The following CNGA3 variants were observed in gnomAD, a reference collection of about 807,000 sequenced individuals.
CNGA3 encodes cyclic nucleotide-gated channel alpha-3.
Under a neutral mutation model 46.6 loss-of-function variants are expected in CNGA3, and 42 were observed. The ratio of observed to expected loss-of-function variants is 0.90; its 90% CI spans 0.70 to 1.17. CNGA3 has a LOEUF of 1.17. Ranked by LOEUF, CNGA3 falls within the 50% of genes most tolerant of loss-of-function variation. The pLI is 0.00. For missense variants in CNGA3, 893 were observed against 890.7 expected (o/e 1.00, Z -0.03); for synonymous variants, 394 against 369.4 (o/e 1.07, Z -0.76).
intron 2 of CNGA3, chr2:98,377,461 C>G (rs549356441): frequency 1.8e-6 from 1 of 544,332 alleles, no homozygotes; most frequent in Non-Finnish European, 3.4e-6. Context: ...TTTCACCTAG[C>G]CCTGGACAGT....
At chr2:98,346,581 C>T (rs1436479083) in intron 1 of CNGA3, 47 bp downstream of exon 1, 3 of 396,928 alleles carry the variant, frequency 7.6e-6, no homozygotes, top group East Asian at 7.1e-5. Flanking sequence ...TGGGGGGCGC[C>T]GGGAGGTGTG....
rs2104235566 is a variant in CNGA3, at chr2:98,391,877, G to A, written c.580G>A (p.Glu194Lys). 6.2e-7 allele frequency: 1 copy of A among 1,614,194 alleles called. No individual in the cohort carries two copies. Among genetic ancestry groups the A allele is most frequent in the Non-Finnish European group, 8.5e-7 (1 of 1,180,006 alleles). Residue 194 changes from glutamate to lysine, a missense_variant, in exon 7 of 8, where the codon GAG becomes AAG. Glu to Lys is a moderately conservative substitution (Grantham distance 56). Transcript: ENST00000272602. ...TGGCTTCTTTAGGGCCTGTTTCGAT[G>A]AGCTGCAGTCCGAGTACCTGATGCT... The part of the protein sequence containing the change: ...YLLICRACFD[E>K]LQSEYLMLWL...
Position 98,389,757 on chromosome 2 carries a change from G to T in CNGA3, c.549G>T (p.Trp183Cys), listed in dbSNP as rs1432305934. 6.2e-7 allele frequency: 1 copy of T among 1,612,902 alleles called. No individual in the cohort carries two copies. Among genetic ancestry groups the T allele is most frequent in the East Asian group, 2.2e-5 (1 of 44,882 alleles). ...TAIALPVFYN[W>C]YLLICRACFD... ...TCGCCCTGCCTGTCTTCTATAACTG[G>T]TATCTGCTTATTTGCAGGTAAGCGA... Residue 183 changes from tryptophan (W) to cysteine (C), a missense_variant, in exon 6 of 8, where the codon TGG becomes TGT. Trp to Cys is a radical substitution (Grantham distance 215, BLOSUM62 -2). Around this residue, in one of 3 missense-constraint regions of CNGA3, gnomAD observed 333 missense variants for 290.8 expected, o/e 1.15. Coordinates refer to ENST00000272602, the MANE Select transcript of CNGA3 (RefSeq NM_001298.3).
intron 5 of CNGA3, among the ~76,000 whole-genome samples, chr2:98,384,943 T>C (rs1421595129): frequency 6.6e-6 from 1 of 152,172 alleles, no homozygotes; most frequent in Non-Finnish European, 1.5e-5. Context: ...ATGAACACCT[T>C]CCCCGACTCT....
chr2:98,351,752 G>T (rs1038950411), intron 1 of CNGA3, among the ~76,000 whole-genome samples: 3 of 152,048 alleles, frequency 2.0e-5, no homozygotes, highest in Non-Finnish European at 4.4e-5. Flanking sequence ...TCATATTTTG[G>T]CATTTCTCCC....
At chr2:98,390,272 A>G (rs1026885814) in intron 6 of CNGA3, among the ~76,000 whole-genome samples, 2 of 151,904 alleles carry the variant, frequency 1.3e-5, no homozygotes, top group Non-Finnish European at 2.9e-5. Flanking sequence ...AGTAGCTGTG[A>G]CTACATATAT....
intron 1 of CNGA3, among the ~76,000 whole-genome samples, chr2:98,355,295 T>C (rs531135553): frequency 6.6e-6 from 1 of 152,348 alleles, no homozygotes; most frequent in East Asian, 1.9e-4. Flanking sequence ...TTTTCACTTT[T>C]CTTATACAGT....
rs951946526 is a variant in CNGA3, at chr2:98,346,456, G to C, written c.-116G>C. On this transcript the variant is annotated 5_prime_UTR_variant, in exon 1 of 8. Transcript: ENST00000272602. The stretch of plus-strand genomic sequence containing the variant: ...CGGGAGCGCGGGGGAGGGAGCGAGC[G>C]GAACTGCGCCTAGGAGGCCGAGGGA... The C allele has an allele frequency of 2.5e-6, 1 of 398,502 alleles. No individual in the cohort carries two copies. Among genetic ancestry groups the C allele is most frequent in the Non-Finnish European group, 4.4e-6 (1 of 226,134 alleles). 24.7% of individuals were successfully genotyped at this position (398,502 alleles called of 1,614,324 possible). A position where few individuals can be genotyped will look rare whatever the true frequency, so the allele number is the denominator to read the frequency against.
intron 7 of CNGA3, among the ~76,000 whole-genome samples, chr2:98,394,006 A>T (rs1437026250): frequency 6.7e-6 from 1 of 150,164 alleles, no homozygotes; most frequent in South Asian, 2.1e-4. Flanking sequence ...GTCCTACCCC[A>T]GTCTAGCCTC....
intron 1 of CNGA3, among the ~76,000 whole-genome samples, chr2:98,347,932 C>A (rs140987675): frequency 6.6e-6 from 1 of 152,198 alleles, no homozygotes; most frequent in African/African-American, 2.4e-5. Flanking sequence ...GTACAGCGTG[C>A]GTTCACGCTG....
chr2:98,395,876 A>G lies in CNGA3; in HGVS notation c.706A>G (p.Thr236Ala). The G allele has an allele frequency of 7.4e-6, 12 of 1,614,192 alleles. No individual in the cohort carries two copies. Among genetic ancestry groups the G allele is most frequent in the Non-Finnish European group, 1.0e-5 (12 of 1,180,032 alleles). The change falls in exon 8 of 8, where the codon ACC (threonine) becomes GCC (alanine). Residue 236 changes from threonine (T) to alanine (A), a missense_variant. Physicochemically the swap from Thr to Ala is moderately conservative, Grantham distance 58 (BLOSUM62 0). This residue lies in a region of CNGA3 where 12 missense variants were observed against 29.1 expected (regional missense o/e 0.41). Transcript: ENST00000272602. The stretch of plus-strand genomic sequence containing the variant: ...CGAGCAAGGCTTAATGGTCAGTGAT[A>G]CCAACAGGCTGTGGCAGCATTACAA... ...FLEQGLMVSD[T>A]NRLWQHYKTT... is the part of the protein sequence containing the mutation.
intron 7 of CNGA3, among the ~76,000 whole-genome samples, chr2:98,395,615 A>T (rs1262056154): frequency 6.6e-6 from 1 of 152,192 alleles, no homozygotes; most frequent in Non-Finnish European, 1.5e-5. Flanking sequence ...AAATTTACTC[A>T]ATCAACCTAT....
At chr2:98,368,999 G>T (rs896788323) in intron 1 of CNGA3, among the ~76,000 whole-genome samples, 3 of 152,242 alleles carry the variant, frequency 2.0e-5, no homozygotes, top group Non-Finnish European at 4.4e-5. Context: ...AACTGGGGAA[G>T]TTGCGAATCT....
chr2:98,358,018 G>A (rs539622222), intron 1 of CNGA3, among the ~76,000 whole-genome samples: 3 of 152,360 alleles, frequency 2.0e-5, no homozygotes, highest in African/African-American at 4.8e-5. Context: ...GAGGATTCAC[G>A]CGTGATGGAT....
intron 1 of CNGA3, among the ~76,000 whole-genome samples, chr2:98,353,140 A>G (rs1691804687): frequency 6.6e-6 from 1 of 152,160 alleles, no homozygotes; most frequent in Admixed American, 6.5e-5. Flanking sequence ...TTTGTCACAT[A>G]TCTCCAAAAT....
intron 1 of CNGA3, chr2:98,351,021 A>C (rs934324277): frequency 7.2e-5 from 11 of 152,176 alleles, no homozygotes; most frequent in African/African-American, 2.7e-4. Context: ...ATCTCCCTTC[A>C]TCACCTCACA....
rs1692900404 is a variant in CNGA3 at position 98,395,938 on chromosome 2, G to C, written c.768G>C (p.Leu256=). 2 of 1,614,114 alleles carry C rather than the reference G, an allele frequency of 1.2e-6. No individual in the cohort carries two copies. Among genetic ancestry groups the C allele is most frequent in the Non-Finnish European group, 8.5e-7 (1 of 1,180,004 alleles). The part of the protein sequence containing the change: ...TTQFKLDVLS[L]VPTDLAYLKV... ...AGTTCAAGCTGGATGTGTTGTCCCT[G>C]GTCCCCACCGACCTGGCTTACTTAA... The change falls in exon 8 of 8, where the codon CTG becomes CTC. Residue 256 remains leucine, a synonymous_variant. Transcript: ENST00000272602.
intron 3 of CNGA3, chr2:98,378,123 C>T: frequency 6.4e-7 from 1 of 1,550,840 alleles, no homozygotes; most frequent in Admixed American, 2.0e-5. Flanking sequence ...CGTGGGAGAC[C>T]TTTGATTGGG....
chr2:98,355,885 A>T (rs1038301033), intron 1 of CNGA3: 1 of 152,244 alleles, frequency 6.6e-6, no homozygotes, highest in Non-Finnish European at 1.5e-5. Context: ...TTAACCACTT[A>T]TACTGCCTTT....
Sources: gnomAD v4.1 joint callset for allele counts (sites outside exome capture counted in the v4.1 genomes callset) on GRCh38, gnomAD v4.1.1 for gene constraint, gnomAD v4.1.1 regional missense constraint, MANE v1.5 for transcripts, NCBI Gene and HGNC (gene_info 2026-07-23, HGNC 2026-07-21) for gene names.